Variants in SGCZ observed in about 807,000 individuals in gnomAD.
SGCZ encodes the protein sarcoglycan zeta.
SGCZ carries 40 observed loss-of-function variants against 41.3 expected under a neutral mutation model. That is an observed-to-expected ratio of 0.97 (90% CI 0.75 to 1.26). The LOEUF (loss-of-function observed/expected upper bound fraction) is 1.26, where lower values mean the gene tolerates loss of function less well. SGCZ is among the 50% of genes most tolerant of loss of function. The pLI, the probability that SGCZ is intolerant of heterozygous loss-of-function variation, is 0.00. For missense variants in SGCZ, 552 were observed against 369.8 expected, an observed-to-expected ratio of 1.49 and a Z score of -4.04; for synonymous variants, 206 against 137.5, an observed-to-expected ratio of 1.50 and a Z score of -3.49.
intron 1 of SGCZ, among the ~76,000 whole-genome samples, chr8:14,753,312 G>T (rs765210915): frequency 4.6e-5 from 7 of 151,998 alleles, no homozygotes; most frequent in Non-Finnish European, 1.0e-4. Context: ...CTGCCCCACA[G>T]GTTCAAACTT....
At chr8:14,184,145 C>T (rs989086009) in intron 4 of SGCZ, among the ~76,000 whole-genome samples, 3 of 152,010 alleles carry the variant, frequency 2.0e-5, no homozygotes, top group Non-Finnish European at 4.4e-5. Flanking sequence ...AAAAATCATT[C>T]TAATGATTAA....
chr8:15,196,441 T>C (rs1027141642), intron 1 of SGCZ, among the ~76,000 whole-genome samples: 2 of 152,156 alleles, frequency 1.3e-5, no homozygotes, highest in Non-Finnish European at 2.9e-5. Flanking sequence ...AAAGCTAGAA[T>C]ACATGAAATG....
intron 5 of SGCZ, among the ~76,000 whole-genome samples, chr8:14,129,477 T>C (rs1418017166): frequency 6.7e-6 from 1 of 149,766 alleles, no homozygotes; most frequent in Non-Finnish European, 1.5e-5. Context: ...TCTTAACCAA[T>C]GGGTAATGAA....
chr8:14,125,598 T>G (rs1421656773), intron 5 of SGCZ, among the ~76,000 whole-genome samples: 1 of 151,438 alleles, frequency 6.6e-6, no homozygotes, highest in African/African-American at 2.4e-5. Context: ...CAAACTACAA[T>G]GGACATTCTT....
At chr8:15,161,014 T>C (rs1799497783) in intron 1 of SGCZ, among the ~76,000 whole-genome samples, 1 of 152,092 alleles carries the variant, frequency 6.6e-6, no homozygotes, top group Admixed American at 6.5e-5. Context: ...TTAAGTCAAA[T>C]CATGATGCTC....
chr8:15,229,136 G>T (rs145161570), intron 1 of SGCZ, among the ~76,000 whole-genome samples: 2,527 of 152,102 alleles, frequency 0.017, 70 homozygotes, highest in African/African-American at 0.055. Context: ...AGGTTGTAGT[G>T]AACCGAGATC....
intron 2 of SGCZ, among the ~76,000 whole-genome samples, chr8:14,485,432 T>C (rs1253336225): frequency 6.6e-6 from 1 of 151,920 alleles, no homozygotes; most frequent in Admixed American, 6.6e-5. Context: ...GAGATGGTGT[T>C]TCACCTTGTT....
At chr8:14,629,691 T>C (rs79142914) in intron 1 of SGCZ, among the ~76,000 whole-genome samples, 3,769 of 151,062 alleles carry the variant, frequency 0.025, 89 homozygotes, top group African/African-American at 0.065. Context: ...ATGGAATGCT[T>C]TCAATGGGAT....
intron 5 of SGCZ, among the ~76,000 whole-genome samples, chr8:14,138,228 G>A (rs549320735): frequency 9.9e-4 from 151 of 152,226 alleles, no homozygotes; most frequent in Non-Finnish European, 1.5e-3. Flanking sequence ...ACAAAAACAT[G>A]CCAAATTGTA....
At chr8:14,853,936 T>C (rs1416509110) in intron 1 of SGCZ, among the ~76,000 whole-genome samples, 1 of 150,840 alleles carries the variant, frequency 6.6e-6, no homozygotes, top group Non-Finnish European at 1.5e-5. Context: ...CTTTCAAGGA[T>C]CTTTCAAGGC....
intron 2 of SGCZ, among the ~76,000 whole-genome samples, chr8:14,393,860 T>C (rs13258546): frequency 0.19 from 28,807 of 152,112 alleles, 3,493 homozygotes; most frequent in Non-Finnish European, 0.28. Flanking sequence ...CTCTGAACAT[T>C]CTACAAAGCG....
At chr8:14,417,294 T>C (rs559932234) in intron 2 of SGCZ, among the ~76,000 whole-genome samples, 2 of 152,080 alleles carry the variant, frequency 1.3e-5, no homozygotes, top group South Asian at 4.1e-4. Context: ...CCTTCAGTAG[T>C]TCTAGGCAGT....
intron 1 of SGCZ, among the ~76,000 whole-genome samples, chr8:14,923,453 T>C (rs183928412): frequency 5.3e-5 from 8 of 152,328 alleles, no homozygotes; most frequent in African/African-American, 1.9e-4. Flanking sequence ...ATCAGTTAAC[T>C]GAACTGAAAT....
intron 2 of SGCZ, among the ~76,000 whole-genome samples, chr8:14,463,144 T>C (rs1194140703): frequency 6.6e-6 from 1 of 151,680 alleles, no homozygotes; most frequent in Non-Finnish European, 1.5e-5. Context: ...TAATTTTGTT[T>C]CTTCCTTTCC....
chr8:14,672,059 G>A (rs542760038), intron 1 of SGCZ, among the ~76,000 whole-genome samples: 3 of 152,042 alleles, frequency 2.0e-5, no homozygotes, highest in African/African-American at 7.2e-5. Context: ...GAAGTTATTA[G>A]GACTCATTTC....
rs144814887 is a variant in SGCZ at position 14,871,066 on chromosome 8, G to T, written c.40-316140C>A. On this transcript the variant is annotated intron_variant, in intron 1 of 7. Transcript: ENST00000382080. ...CTACTAAAAATACAAAATTAGGTGGGTGTGGTGGCGCATGCCTGTAATCCC... is the reference window on the plus strand; with the variant it reads ...CTACTAAAAATACAAAATTAGGTGGTTGTGGTGGCGCATGCCTGTAATCCC... 5.3e-5 allele frequency among the ~76,000 whole-genome samples: 8 copies of T among 152,228 alleles called. No homozygotes were observed. In the East Asian group the frequency reaches 1.4e-3, roughly 26 times the overall value.
intron 3 of SGCZ, among the ~76,000 whole-genome samples, chr8:14,260,277 G>T (rs557358248): frequency 6.6e-6 from 1 of 151,800 alleles, no homozygotes; most frequent in Non-Finnish European, 1.5e-5. Flanking sequence ...CCATCAAAAA[G>T]CGGGCGAAGG....
At chr8:14,893,088 C>A (rs1585355485) in intron 1 of SGCZ, among the ~76,000 whole-genome samples, 1 of 152,124 alleles carries the variant, frequency 6.6e-6, no homozygotes. Flanking sequence ...AAGTGAGGGT[C>A]CATGAGACTG....
intron 2 of SGCZ, among the ~76,000 whole-genome samples, chr8:14,338,520 G>A (rs1585381391): frequency 6.6e-6 from 1 of 152,074 alleles, no homozygotes; most frequent in East Asian, 1.9e-4. Flanking sequence ...GGTTGCAATT[G>A]CTCTGTCACA....
Sources: allele counts gnomAD v4.1 joint callset (sites outside exome capture counted in the v4.1 genomes callset), GRCh38; gene constraint gnomAD v4.1.1; transcripts MANE v1.5; gene names NCBI Gene and HGNC (gene_info 2026-07-23, HGNC 2026-07-21).